Variants in CALU observed in about 807,000 individuals in gnomAD.
CALU encodes the protein IEF SSP 9302.
A neutral mutation model predicts 37.5 loss-of-function variants in CALU; 13 were observed. The observed-to-expected ratio is 0.35, with a 90% CI of 0.23 to 0.55. The LOEUF is 0.55. Among genes scored for constraint, CALU ranks in the 20% least tolerant of loss-of-function variants. CALU has a pLI of 0.89. For missense variants in CALU, 282 were observed against 391.7 expected (o/e 0.72, Z 2.36); for synonymous variants, 114 against 133.8 (o/e 0.85, Z 1.02).
chr7:128,758,724 G>A (rs1585013170), intron 3 of CALU, 147 bp from the exon 4 acceptor site: 2 of 606,104 alleles, frequency 3.3e-6, no homozygotes, highest in Non-Finnish European at 5.8e-6. Flanking sequence ...AAAACTAAAT[G>A]TCTTTGTACT....
intron 6 of CALU, among the ~76,000 whole-genome samples, chr7:128,768,430 C>T (rs1035988977): frequency 2.0e-5 from 3 of 152,122 alleles, no homozygotes; most frequent in African/African-American, 7.2e-5. Context: ...GGAGATGTTC[C>T]ATATTTTCCT....
In CALU at chr7:128,748,728, C is replaced by A; in HGVS notation, c.145C>A (p.His49Asn). 2 of 1,614,162 alleles carry A rather than the reference C, an allele frequency of 1.2e-6. No homozygotes were observed. The highest frequency in any genetic ancestry group is 1.7e-6 in the Non-Finnish European group (2 of 1,180,022). ...HNDAQSFDYD[H>N]DAFLGAEEAK... ...TGATGCTCAGAGTTTTGATTATGAC[C>A]ATGATGCCTTCTTGGGTGCTGAAGA... The change falls in exon 2 of 7, where the codon CAT becomes AAT. Residue 49 changes from histidine to asparagine, a missense_variant. Transcript: ENST00000249364.
intron 1 of CALU, among the ~76,000 whole-genome samples, chr7:128,740,507 G>A (rs760712553): frequency 1.1e-4 from 16 of 151,328 alleles, no homozygotes; most frequent in Non-Finnish European, 1.6e-4. Context: ...TCACTCAGTA[G>A]ATTTAATTAA....
At chr7:128,748,862 ATTCTT>A (rs1800550477) in intron 2 of CALU, 58 bp downstream of exon 2, 5 of 1,180,438 alleles carry the variant, frequency 4.2e-6, no homozygotes, top group Admixed American at 2.0e-5. Context: ...ATAAAGGCTA[ATTCTT>A]TTCTTTTCTG....
chr7:128,768,181 T>C (rs1253959011), intron 6 of CALU, among the ~76,000 whole-genome samples: 4 of 152,178 alleles, frequency 2.6e-5, no homozygotes, highest in Non-Finnish European at 5.9e-5. Flanking sequence ...AGTCACCTGC[T>C]TCAGAGATTA....
intron 5 of CALU, among the ~76,000 whole-genome samples, chr7:128,762,648 C>T (rs1005542285): frequency 8.6e-5 from 13 of 151,194 alleles, no homozygotes; most frequent in Admixed American, 4.0e-4. Context: ...GCATTGCAGA[C>T]GTACACAACT....
intron 1 of CALU, among the ~76,000 whole-genome samples, chr7:128,741,197 A>G (rs911628823): frequency 2.6e-5 from 4 of 152,224 alleles, no homozygotes; most frequent in South Asian, 2.1e-4. Context: ...GCAGTAATTT[A>G]TGTATTAGAG....
At position 128,769,367 on chromosome 7, in the gene CALU, T is replaced by C; in HGVS notation, c.*200T>C. The C allele has an allele frequency of 4.3e-6, 2 of 461,992 alleles. No homozygotes were observed. The highest frequency in any genetic ancestry group is 7.8e-6 in the Non-Finnish European group (2 of 257,502). The allele number at this position is 461,992 out of a possible 1,614,324, so 28.6% of individuals were successfully genotyped here. A position where few individuals can be genotyped will look rare whatever the true frequency, so the allele number is the denominator to read the frequency against. On this transcript the variant is annotated 3_prime_UTR_variant, in exon 7 of 7. Transcript: ENST00000249364. ...CGTGCTTCTGAGGAACAACTCTAAT[T>C]AGTACACTTGTGTTTGTAGATTTAC...
intron 6 of CALU, among the ~76,000 whole-genome samples, chr7:128,767,868 G>A (rs1396905727): frequency 2.0e-5 from 3 of 152,192 alleles, no homozygotes; most frequent in Non-Finnish European, 2.9e-5. Context: ...TGATAGCATT[G>A]TAGGAAATTT....
At chr7:128,749,953 A>G (rs1800596568) in intron 2 of CALU, among the ~76,000 whole-genome samples, 1 of 152,144 alleles carries the variant, frequency 6.6e-6, no homozygotes, top group Non-Finnish European at 1.5e-5. Context: ...CAGATCAGGT[A>G]CGGTGGCTCA....
chr7:128,755,614 T>G (rs950937511), intron 3 of CALU, among the ~76,000 whole-genome samples: 2 of 152,222 alleles, frequency 1.3e-5, no homozygotes, highest in Non-Finnish European at 2.9e-5. Context: ...AATGTTAATT[T>G]GATTGCTTTT....
chr7:128,739,844 A>G (rs543296620), intron 1 of CALU, among the ~76,000 whole-genome samples: 2 of 151,992 alleles, frequency 1.3e-5, no homozygotes, highest in Admixed American at 6.5e-5. Context: ...TCCACTCACC[A>G]TCCTGCTTGT....
intron 1 of CALU, among the ~76,000 whole-genome samples, chr7:128,739,651 A>G (rs1453162925): frequency 6.6e-6 from 1 of 151,764 alleles, no homozygotes; most frequent in Non-Finnish European, 1.5e-5. Flanking sequence ...GCGCTCTGGG[A>G]AGGGGGCTGG....
intron 1 of CALU, among the ~76,000 whole-genome samples, chr7:128,741,268 G>T (rs1800229908): frequency 6.6e-6 from 1 of 152,248 alleles, no homozygotes; most frequent in Non-Finnish European, 1.5e-5. Flanking sequence ...CCAGTAAACG[G>T]AATTGGAAGT....
At chr7:128,754,219 T>C (rs1800780759) in intron 2 of CALU, 43 bp from the exon 3 acceptor site, 2 of 1,485,602 alleles carry the variant, frequency 1.3e-6, no homozygotes, top group African/African-American at 2.8e-5. Context: ...CAGAGTTCTG[T>C]GTCTTTTTAA....
intron 4 of CALU, 134 bp from the exon 5 acceptor site, chr7:128,759,658 C>A: frequency 1.6e-6 from 1 of 611,678 alleles, no homozygotes; most frequent in Non-Finnish European, 3.0e-6. Context: ...CACATGCATA[C>A]ATACATACAT....
In CALU at chr7:128,769,183, T is replaced by A; in HGVS notation, c.*16T>A. On this transcript the variant is annotated 3_prime_UTR_variant, in exon 7 of 7. Transcript: ENST00000249364. ...TGAGTTCTGAGCTACGGAGGAACCC[T>A]CATTTCCTCAAAAGTAATTTATTTT... is the stretch of plus-strand genomic sequence containing the variant. The A allele has an allele frequency of 7.8e-7, 1 of 1,278,092 alleles. No homozygotes were observed. 79.2% of individuals were successfully genotyped at this position (1,278,092 alleles called of 1,614,324 possible).
intron 5 of CALU, among the ~76,000 whole-genome samples, chr7:128,761,954 A>G (rs1352438498): frequency 6.6e-6 from 1 of 151,888 alleles, no homozygotes; most frequent in Non-Finnish European, 1.5e-5. Context: ...TTGACTGTTT[A>G]CCTCCCTTTT....
intron 1 of CALU, chr7:128,748,369 T>C: frequency 6.7e-7 from 1 of 1,500,494 alleles, no homozygotes; most frequent in Non-Finnish European, 8.9e-7. Flanking sequence ...AGGAAACTGG[T>C]AAAAATTTCT....
Sources: gnomAD v4.1 joint callset for allele counts (sites outside exome capture counted in the v4.1 genomes callset) on GRCh38, gnomAD v4.1.1 for gene constraint, MANE v1.5 for transcripts, NCBI Gene and HGNC (gene_info 2026-07-23, HGNC 2026-07-21) for gene names.